Variants in FNBP1 observed in about 807,000 individuals in gnomAD.
FNBP1 encodes formin binding protein 1.
FNBP1 carries 26 observed loss-of-function variants against 90.6 expected under a neutral mutation model. That is an observed-to-expected ratio of 0.29 (90% CI 0.21 to 0.40). The LOEUF (loss-of-function observed/expected upper bound fraction) is 0.40. Ranked by LOEUF, FNBP1 falls within the 10% of genes least tolerant of loss-of-function variation. The pLI is 1.00. For missense variants in FNBP1, 635 were observed against 768.0 expected, an observed-to-expected ratio of 0.83 and a Z score of 2.05; for synonymous variants, 260 against 265.2, an observed-to-expected ratio of 0.98 and a Z score of 0.19.
intron 4 of FNBP1, among the ~76,000 whole-genome samples, chr9:129,959,708 T>C (rs2047507777): frequency 6.6e-6 from 1 of 152,170 alleles, no homozygotes; most frequent in Admixed American, 6.5e-5. Context: ...ATGATTCAGA[T>C]ATGATCTGAT....
At chr9:129,986,993 C>G (rs2052378881) in intron 2 of FNBP1, among the ~76,000 whole-genome samples, 1 of 151,952 alleles carries the variant, frequency 6.6e-6, no homozygotes, top group Non-Finnish European at 1.5e-5. Flanking sequence ...AAAGGATGAT[C>G]AACTCCAAGG....
chr9:129,899,564 T>C (rs1450100260), intron 15 of FNBP1, among the ~76,000 whole-genome samples: 2 of 151,830 alleles, frequency 1.3e-5, no homozygotes, highest in African/African-American at 2.4e-5. Context: ...GTACAAAAAG[T>C]ACAAAAGTAC....
intron 12 of FNBP1, among the ~76,000 whole-genome samples, chr9:129,906,701 T>C (rs1389381880): frequency 6.6e-6 from 1 of 152,220 alleles, no homozygotes; most frequent in Non-Finnish European, 1.5e-5. Context: ...GCTAATACAG[T>C]GTGTGCCCTG....
chr9:130,017,798 C>G (rs1333342834), intron 1 of FNBP1, among the ~76,000 whole-genome samples: 2 of 150,532 alleles, frequency 1.3e-5, no homozygotes, highest in Admixed American at 1.3e-4. Context: ...CTACTGCACT[C>G]CAGCCCGGGT....
In FNBP1 at chr9:129,889,082, G is replaced by GGGGA. The variant is rs1554754488; in HGVS notation, c.*1456_*1457insTCCC. The GGGGA allele has an allele frequency of 1.9e-5, 2 of 104,928 alleles. No homozygotes were observed. The highest frequency in any genetic ancestry group is 3.3e-5 in the Non-Finnish European group (2 of 60,056). 6.5% of individuals were successfully genotyped at this position (104,928 alleles called of 1,614,324 possible). ...GGGCTGCTCTGCTCTAAGGCGTGGCGGGGGGGGGGGGTGGTGGCCACAGAT... is the reference window on the plus strand; with the variant it reads ...GGGCTGCTCTGCTCTAAGGCGTGGCGGGGAGGGGGGGGGGGTGGTGGCCACAGAT... On this transcript the variant is annotated 3_prime_UTR_variant, in exon 17 of 17. Transcript: ENST00000446176.
intron 1 of FNBP1, among the ~76,000 whole-genome samples, chr9:130,011,011 T>G (rs1373069230): frequency 6.7e-6 from 1 of 149,956 alleles, no homozygotes; most frequent in Admixed American, 6.7e-5. Flanking sequence ...TAAGTAAAAA[T>G]CAGCCAAGCC....
chr9:129,954,869 C>T (rs973518669), intron 6 of FNBP1, among the ~76,000 whole-genome samples: 1 of 151,960 alleles, frequency 6.6e-6, no homozygotes, highest in Admixed American at 6.6e-5. Context: ...GTGGTGACGC[C>T]TGTAATCCCA....
intron 11 of FNBP1, among the ~76,000 whole-genome samples, chr9:129,910,748 G>A (rs1435211030): frequency 2.6e-5 from 4 of 152,048 alleles, no homozygotes; most frequent in Non-Finnish European, 5.9e-5. Context: ...GCTGGGAAGT[G>A]TGTGATTCAG....
chr9:129,965,079 C>T (rs1439754222), intron 4 of FNBP1, among the ~76,000 whole-genome samples: 2 of 152,164 alleles, frequency 1.3e-5, no homozygotes, highest in Non-Finnish European at 2.9e-5. Context: ...ACAGGAGCAG[C>T]TTCCAAGTCT....
intron 1 of FNBP1, among the ~76,000 whole-genome samples, chr9:130,007,444 G>A (rs2055923373): frequency 6.6e-6 from 1 of 152,034 alleles, no homozygotes; most frequent in South Asian, 2.1e-4. Flanking sequence ...AGCCAAATGT[G>A]TTCTGAAATG....
At chr9:129,967,385 G>A (rs1399146620) in intron 4 of FNBP1, among the ~76,000 whole-genome samples, 3 of 152,194 alleles carry the variant, frequency 2.0e-5, no homozygotes, top group East Asian at 3.9e-4. Flanking sequence ...GCGTGGTGGC[G>A]GGTGCCTGTA....
At chr9:130,049,345 T>C in the FNBP1 span, among the ~76,000 whole-genome samples, 118 of 152,106 alleles carry the variant, frequency 7.8e-4, no homozygotes, top group African/African-American at 2.7e-3. Flanking sequence ...GCCTTGATCA[T>C]GCCACTGCAC....
rs1051035436 is a variant in FNBP1 at position 129,974,558 on chromosome 9, T to C, written c.345+3907A>G. Among the ~76,000 whole-genome samples the C allele has an allele frequency of 1.2e-4, 18 of 152,310 alleles. No individual in the cohort carries two copies. In the East Asian group the frequency reaches 2.1e-3, roughly 18 times the overall value. On this transcript the variant is annotated intron_variant, in intron 4 of 16. Coordinates refer to ENST00000446176, the MANE Select transcript of FNBP1 (RefSeq NM_015033.3). The stretch of plus-strand genomic sequence containing the variant: ...TCATTCAAAATAATGGCAACGATTA[T>C]GTAGAGAAAAGAAAAAACAGGCCAG...
intron 15 of FNBP1, 115 bp downstream of exon 15, chr9:129,899,850 A>C: frequency 1.1e-6 from 1 of 910,358 alleles, no homozygotes; most frequent in Non-Finnish European, 1.6e-6. Context: ...GAAGGAAGGA[A>C]GGACAAAGGA....
At chr9:130,024,038 A>T (rs769466246) in intron 1 of FNBP1, among the ~76,000 whole-genome samples, 1 of 152,104 alleles carries the variant, frequency 6.6e-6, no homozygotes, top group Non-Finnish European at 1.5e-5. Context: ...ATTTGCCGTC[A>T]TTTAACCCCC....
At chr9:129,916,531 C>T (rs563059202) in intron 10 of FNBP1, among the ~76,000 whole-genome samples, 71 of 151,604 alleles carry the variant, frequency 4.7e-4, no homozygotes, top group Non-Finnish European at 8.4e-4. Context: ...GCAGGAGAAT[C>T]GCTTGAACCT....
intron 8 of FNBP1, among the ~76,000 whole-genome samples, chr9:129,926,829 T>C (rs1026234677): frequency 2.8e-4 from 42 of 149,470 alleles, no homozygotes; most frequent in Middle Eastern, 3.4e-3. Context: ...GAGGTTGCAG[T>C]GACCCAAGAT....
chr9:130,052,447 T>TA, the FNBP1 span, among the ~76,000 whole-genome samples: 1 of 152,142 alleles, frequency 6.6e-6, no homozygotes, highest in Non-Finnish European at 1.5e-5. Context: ...ATTTTTTTTT[T>TA]ATTGAGACAG....
intron 1 of FNBP1, among the ~76,000 whole-genome samples, chr9:130,017,557 C>G (rs1002988772): frequency 6.6e-6 from 1 of 152,038 alleles, no homozygotes; most frequent in African/African-American, 2.4e-5. Flanking sequence ...AGGCTGGGTG[C>G]GGTAGCTCAC....
Sources: allele counts gnomAD v4.1 joint callset (sites outside exome capture counted in the v4.1 genomes callset), GRCh38; gene constraint gnomAD v4.1.1; transcripts MANE v1.5; gene names NCBI Gene and HGNC (gene_info 2026-07-23, HGNC 2026-07-21).